RAB15: variants seen among roughly 807,000 people sequenced by gnomAD.
The protein encoded by RAB15 is RAB15, member RAS oncogene family.
Under a neutral mutation model 31.8 loss-of-function variants are expected in RAB15, and 13 were observed. The observed-to-expected ratio is 0.41, with a 90% CI of 0.27 to 0.65. RAB15 has a LOEUF of 0.65. Ranked by LOEUF, RAB15 falls within the 30% of genes least tolerant of loss-of-function variation. The pLI, the probability that RAB15 is intolerant of heterozygous loss-of-function variation, is 0.32. For missense variants in RAB15, 220 were observed against 277.3 expected (o/e 0.79, Z 1.47); for synonymous variants, 100 against 105.6 (o/e 0.95, Z 0.33).
intron 1 of RAB15, among the ~76,000 whole-genome samples, chr14:64,967,431 A>G (rs144661348): frequency 1.7e-3 from 266 of 152,182 alleles, no homozygotes; most frequent in African/African-American, 6.1e-3. Flanking sequence ...TACAAAACGT[A>G]CAAACATTAG....
At position 64,950,557 on chromosome 14, in the gene RAB15, T is replaced by C. The variant is rs1402135546; in HGVS notation, c.325-143A>G. 6.8e-6 allele frequency: 5 copies of C among 739,014 alleles called. No homozygotes were observed. Among genetic ancestry groups the C allele is most frequent in the Non-Finnish European group, 1.2e-5 (5 of 418,412 alleles). 45.8% of individuals were successfully genotyped at this position (739,014 alleles called of 1,614,324 possible). Reference sequence around the variant, plus strand: ...GGCCGACTGGATGCAGGTGCCAGGCTCCCCCAAGTGCCATGGCTGACCTCA... The same window carrying C: ...GGCCGACTGGATGCAGGTGCCAGGCCCCCCCAAGTGCCATGGCTGACCTCA... On this transcript the variant is annotated intron_variant, in intron 4 of 6. Coordinates refer to ENST00000533601, the MANE Select transcript of RAB15 (RefSeq NM_001308154.2). The surrounding 1 kb of genome is among the most constrained non-coding windows in gnomAD (Gnocchi z 5.6).
chr14:64,948,032 G>A lies in RAB15; in HGVS notation c.*322C>T. 3.3e-6 allele frequency: 1 copy of A among 301,790 alleles called. No individual in the cohort carries two copies. Among genetic ancestry groups the A allele is most frequent in the Non-Finnish European group, 6.1e-6 (1 of 164,068 alleles). The allele number at this position is 301,790 out of a possible 1,614,324, so 18.7% of individuals were successfully genotyped here. A position where few individuals can be genotyped will look rare whatever the true frequency, so the allele number is the denominator to read the frequency against. On this transcript the variant is annotated 3_prime_UTR_variant, in exon 7 of 7. Coordinates refer to ENST00000533601, the MANE Select transcript of RAB15 (RefSeq NM_001308154.2). The surrounding 1 kb of genome is among the most constrained non-coding windows in gnomAD (Gnocchi z 7.0). ...ACGGAGAAAGGAGCAGCTGAAAGTG[G>A]CCTGGACTCCAGCCCTGGCTGTTGT...
rs1044675368 is a variant in RAB15, at chr14:64,955,573, C to T, written c.125-3002G>A. The stretch of plus-strand genomic sequence containing the variant: ...CACATGTGTGTTCACCTATCACTGT[C>T]CCCCCACTGAAGACTTCAGCTCCAG... On this transcript the variant is annotated intron_variant, in intron 1 of 6. Transcript: ENST00000533601. The surrounding 1 kb of genome is among the most constrained non-coding windows in gnomAD (Gnocchi z 4.4). 2.6e-5 allele frequency among the ~76,000 whole-genome samples: 4 copies of T among 152,088 alleles called. No individual in the cohort carries two copies. Among genetic ancestry groups the T allele is most frequent in the African/African-American group, 9.7e-5 (4 of 41,408 alleles).
Position 64,950,904 on chromosome 14 carries a change from G to A in RAB15, c.324+170C>T, listed in dbSNP as rs1235212504. The A allele has an allele frequency of 7.1e-7, 1 of 1,413,010 alleles. No homozygotes were observed. Among genetic ancestry groups the A allele is most frequent in the Non-Finnish European group, 9.9e-7 (1 of 1,006,610 alleles). 87.5% of individuals were successfully genotyped at this position (1,413,010 alleles called of 1,614,324 possible). On this transcript the variant is annotated intron_variant, in intron 4 of 6. Transcript: ENST00000533601. The surrounding 1 kb of genome is among the most constrained non-coding windows in gnomAD (Gnocchi z 5.6). ...GGCCTGGCAGGGTATAGAGAGTGAG[G>A]GCATGGCAGCTTCGGTTTCTTCCCC...
chr14:64,954,597 A>G lies in RAB15; in HGVS notation c.125-2026T>C. 1.7e-5 allele frequency: 15 copies of G among 900,112 alleles called. No homozygotes were observed. Among genetic ancestry groups the G allele is most frequent in the Non-Finnish European group, 2.0e-5 (15 of 752,238 alleles). The allele number at this position is 900,112 out of a possible 1,614,324, so 55.8% of individuals were successfully genotyped here. A position where few individuals can be genotyped will look rare whatever the true frequency, so the allele number is the denominator to read the frequency against. On this transcript the variant is annotated intron_variant, in intron 1 of 6. Transcript: ENST00000533601. The surrounding 1 kb of genome is among the most constrained non-coding windows in gnomAD (Gnocchi z 4.3). ...GTGCCCTGCACAGTGCTCAGTGCAGACAGAGCAGTGAAAAAGACATGGCCC... is the reference window on the plus strand; with the variant it reads ...GTGCCCTGCACAGTGCTCAGTGCAGGCAGAGCAGTGAAAAAGACATGGCCC...
At chr14:64,965,654 G>T (rs991273988) in intron 1 of RAB15, among the ~76,000 whole-genome samples, 2 of 152,116 alleles carry the variant, frequency 1.3e-5, no homozygotes, top group Non-Finnish European at 2.9e-5. Flanking sequence ...TTGGATTACA[G>T]AAGAAGGCAC....
Position 64,968,705 on chromosome 14 carries a change from G to A in RAB15, c.124+3248C>T, listed in dbSNP as rs1887265540. ...GGGCAGAAAACGTAGACTGCAATAT[G>A]TCTCTAAAATGCCTGGCACAGAGCT... is the stretch of plus-strand genomic sequence containing the variant. On this transcript the variant is annotated intron_variant, in intron 1 of 6. Coordinates refer to ENST00000533601, the MANE Select transcript of RAB15 (RefSeq NM_001308154.2). The surrounding 1 kb of genome is among the most constrained non-coding windows in gnomAD (Gnocchi z 4.9). Among the ~76,000 whole-genome samples the A allele has an allele frequency of 6.6e-6, 1 of 152,178 alleles. No individual in the cohort carries two copies. The highest frequency in any genetic ancestry group is 2.1e-4 in the South Asian group (1 of 4,828).
At chr14:64,957,256 G>A (rs928202588) in intron 1 of RAB15, among the ~76,000 whole-genome samples, 1 of 152,136 alleles carries the variant, frequency 6.6e-6, no homozygotes, top group African/African-American at 2.4e-5. Context: ...AAGTGTAGAA[G>A]GAGAATACTG....
rs1885961121 is a variant in RAB15, at chr14:64,947,051, G to A, written c.*1303C>T. Reference sequence around the variant, plus strand: ...AGCGCTTTGTCTTAAAGGCCAAAGAGAACAGCACCAAGCGTTTCTACCCAG... The same window carrying A: ...AGCGCTTTGTCTTAAAGGCCAAAGAAAACAGCACCAAGCGTTTCTACCCAG... On this transcript the variant is annotated 3_prime_UTR_variant, in exon 7 of 7. Transcript: ENST00000533601. This position sits in a 1 kb window ranked among gnomAD's most constrained non-coding sequence, Gnocchi z 5.6. 6.6e-6 allele frequency: 1 copy of A among 152,646 alleles called. No homozygotes were observed. 9.5% of individuals were successfully genotyped at this position (152,646 alleles called of 1,614,324 possible).
At position 64,951,243 on chromosome 14, in the gene RAB15, C is replaced by T. The variant is rs545711185; in HGVS notation, c.247-92G>A. ...GCCGTGGAAACTTAAAGGTTGGGTC[C>T]CACTCTCCCATTCTCCCTGCTCAGC... On this transcript the variant is annotated intron_variant, in intron 3 of 6. Coordinates refer to ENST00000533601, the MANE Select transcript of RAB15 (RefSeq NM_001308154.2). The surrounding 1 kb of genome is among the most constrained non-coding windows in gnomAD (Gnocchi z 7.2). 1.6e-3 allele frequency: 1,692 copies of T among 1,027,756 alleles called. 2 individuals carry two copies. Among genetic ancestry groups the T allele is most frequent in the Non-Finnish European group, 2.2e-3 (1,476 of 681,348 alleles). The allele number at this position is 1,027,756 out of a possible 1,614,324, so 63.7% of individuals were successfully genotyped here. A position where few individuals can be genotyped will look rare whatever the true frequency, so the allele number is the denominator to read the frequency against.
intron 1 of RAB15, among the ~76,000 whole-genome samples, chr14:64,963,109 C>CTTTTTTTTTTTT (rs1165246293): frequency 1.0e-5 from 1 of 96,402 alleles, no homozygotes; most frequent in Non-Finnish European, 1.9e-5. Context: ...CCCTTCCCCA[C>CTTTTTTTTTTTT]TTTTTTTTTT....
rs1886581386 is a variant in RAB15, at chr14:64,956,575, C to G, written c.125-4004G>C. ...TCTCACACATGCGTAAGTTTGAGAA[C>G]GACATTAGGACAAAAGTTTTGCACC... On this transcript the variant is annotated intron_variant, in intron 1 of 6. Coordinates refer to ENST00000533601, the MANE Select transcript of RAB15 (RefSeq NM_001308154.2). Among the ~76,000 whole-genome samples, 3 of 152,070 alleles carry G rather than the reference C, an allele frequency of 2.0e-5. No individual in the cohort carries two copies. In the South Asian group the frequency reaches 6.2e-4, roughly 32 times the overall value.
rs758496557 is a variant in RAB15, at chr14:64,951,082, C to T, written c.316G>A (p.Val106Met). Residue 106 changes from valine to methionine, a missense_variant, in exon 4 of 7, where the codon GTG becomes ATG. By Grantham distance (21) the Val-to-Met change is conservative. Transcript: ENST00000533601. This position sits in a 1 kb window ranked among gnomAD's most constrained non-coding sequence, Gnocchi z 7.2. The stretch of plus-strand genomic sequence containing the variant: ...GAGGTGGCATCTCCTACCTCATCCA[C>T]GTCACTGACCCACTTCATGATGTGC... The part of the protein sequence containing the change: ...YQHIMKWVSD[V>M]DEYAPEGVQK... 3.2e-5 allele frequency: 51 copies of T among 1,613,120 alleles called. No homozygotes were observed. Among genetic ancestry groups the T allele is most frequent in the Non-Finnish European group, 3.8e-5 (45 of 1,180,010 alleles).
In RAB15 at chr14:64,953,690, GGTTGT is replaced by G; in HGVS notation, c.125-1124_125-1120del. 1 of 552,158 alleles carries G rather than the reference GGTTGT, an allele frequency of 1.8e-6. No homozygotes were observed. 34.2% of individuals were successfully genotyped at this position (552,158 alleles called of 1,614,324 possible). A position where few individuals can be genotyped will look rare whatever the true frequency, so the allele number is the denominator to read the frequency against. On this transcript the variant is annotated intron_variant, in intron 1 of 6. Coordinates refer to ENST00000533601, the MANE Select transcript of RAB15 (RefSeq NM_001308154.2). The surrounding 1 kb of genome is among the most constrained non-coding windows in gnomAD (Gnocchi z 4.6). Reference sequence around the variant, plus strand: ...TGAGTGACAACAGAGAGATGAGGGAGGTTGTTTTGCTGACCATGCCTCTCCCCAAC... The same window carrying G: ...TGAGTGACAACAGAGAGATGAGGGAGTTTGCTGACCATGCCTCTCCCCAAC...
Position 64,950,766 on chromosome 14 carries a change from C to T in RAB15, c.324+308G>A. 1 of 607,552 alleles carries T rather than the reference C, an allele frequency of 1.6e-6. No individual in the cohort carries two copies. The highest frequency in any genetic ancestry group is 2.9e-6 in the Non-Finnish European group (1 of 341,750). The allele number at this position is 607,552 out of a possible 1,614,324, so 37.6% of individuals were successfully genotyped here. ...AAGGCTCCACAGCTATTGTGCAGAG[C>T]CAGGACTAGATCCCAATCTTGCAAC... is the stretch of plus-strand genomic sequence containing the variant. On this transcript the variant is annotated intron_variant, in intron 4 of 6. Coordinates refer to ENST00000533601, the MANE Select transcript of RAB15 (RefSeq NM_001308154.2). This position sits in a 1 kb window ranked among gnomAD's most constrained non-coding sequence, Gnocchi z 5.6.
chr14:64,955,390 C>T lies in RAB15; in HGVS notation c.125-2819G>A, dbSNP rs1296721407. ...CAAGCCCTGGCCCCAGTAACCCGTG[C>T]CCATCGTGGCTCCTTCCCTCTCCCT... On this transcript the variant is annotated intron_variant, in intron 1 of 6. Coordinates refer to ENST00000533601, the MANE Select transcript of RAB15 (RefSeq NM_001308154.2). This position sits in a 1 kb window ranked among gnomAD's most constrained non-coding sequence, Gnocchi z 4.4. 6.6e-6 allele frequency among the ~76,000 whole-genome samples: 1 copy of T among 152,198 alleles called. No individual in the cohort carries two copies. Among genetic ancestry groups the T allele is most frequent in the Admixed American group, 6.5e-5 (1 of 15,282 alleles).
chr14:64,952,491 C>T lies in RAB15; in HGVS notation c.185+20G>A, dbSNP rs757781613. 6 of 1,599,334 alleles carry T rather than the reference C, an allele frequency of 3.8e-6. No individual in the cohort carries two copies. Among genetic ancestry groups the T allele is most frequent in the Non-Finnish European group, 5.1e-6 (6 of 1,167,040 alleles). On this transcript the variant is annotated intron_variant, in intron 2 of 6. Coordinates refer to ENST00000533601, the MANE Select transcript of RAB15 (RefSeq NM_001308154.2). This position sits in a 1 kb window ranked among gnomAD's most constrained non-coding sequence, Gnocchi z 4.2. Reference sequence around the variant, plus strand: ...AAGTCCTCTTCTCCTACATCTGCCTCCTCCTCCTCCCCAGCTCACCAGATC... The same window carrying T: ...AAGTCCTCTTCTCCTACATCTGCCTTCTCCTCCTCCCCAGCTCACCAGATC...
At chr14:64,965,372 T>C (rs1333596162) in intron 1 of RAB15, among the ~76,000 whole-genome samples, 1 of 152,030 alleles carries the variant, frequency 6.6e-6, no homozygotes, top group Non-Finnish European at 1.5e-5. Context: ...GGCAGAAGAA[T>C]CGCTTGAACC....
rs1886431887 is a variant in RAB15 at position 64,954,497 on chromosome 14, A to G, written c.125-1926T>C. 19 of 985,332 alleles carry G rather than the reference A, an allele frequency of 1.9e-5. No individual in the cohort carries two copies. The highest frequency in any genetic ancestry group is 2.3e-5 in the Non-Finnish European group (19 of 829,938). 61.0% of individuals were successfully genotyped at this position (985,332 alleles called of 1,614,324 possible). Reference sequence around the variant, plus strand: ...TGGCCAAGGACAGTGCCTTGTGCAAAGCCATCACAAGGGGGACAGGAAGAG... The same window carrying G: ...TGGCCAAGGACAGTGCCTTGTGCAAGGCCATCACAAGGGGGACAGGAAGAG... On this transcript the variant is annotated intron_variant, in intron 1 of 6. Transcript: ENST00000533601. The surrounding 1 kb of genome is among the most constrained non-coding windows in gnomAD (Gnocchi z 4.3).
Sources: gnomAD v4.1 joint callset for allele counts (sites outside exome capture counted in the v4.1 genomes callset) on GRCh38, gnomAD v4.1.1 for gene constraint, Gnocchi (gnomAD v3.1) non-coding constraint, MANE v1.5 for transcripts, NCBI Gene and HGNC (gene_info 2026-07-23, HGNC 2026-07-21) for gene names.